The following PALM2AKAP2 variants were observed in gnomAD, a reference collection of about 807,000 sequenced individuals.
PALM2AKAP2 encodes PALM2 and AKAP2 fusion, also known as PALM2-AKAP2 fusion protein.
In PALM2AKAP2, 37 loss-of-function variants were observed where a neutral mutation model predicts 71.5. The ratio of observed to expected loss-of-function variants is 0.52; its 90% CI spans 0.40 to 0.68. The LOEUF is 0.68. PALM2AKAP2 is among the 30% of genes least tolerant of loss of function. The pLI is 0.00. For synonymous variants in PALM2AKAP2, 468 were observed against 478.8 expected (o/e 0.98, Z 0.29); for missense variants, 1,224 against 1,191.8 (o/e 1.03, Z -0.40).
intron 1 of PALM2AKAP2, among the ~76,000 whole-genome samples, chr9:109,803,986 C>G (rs1827507073): frequency 6.6e-6 from 1 of 152,142 alleles, no homozygotes; most frequent in Non-Finnish European, 1.5e-5. Context: ...CTTTTTTGGC[C>G]ATCCTGAAAG....
chr9:109,723,325 T>C (rs766092089), intron 1 of PALM2AKAP2, among the ~76,000 whole-genome samples: 16 of 152,194 alleles, frequency 1.1e-4, no homozygotes, highest in Non-Finnish European at 1.8e-4. Context: ...ACCGACCTTA[T>C]GTAGCCATAC....
intron 7 of PALM2AKAP2, among the ~76,000 whole-genome samples, chr9:110,016,522 A>G (rs894117895): frequency 6.6e-6 from 1 of 152,222 alleles, no homozygotes; most frequent in East Asian, 1.9e-4. Flanking sequence ...AAGGCAGCAC[A>G]TGGCCCACTC....
At chr9:109,840,901 C>T (rs138009181) in intron 1 of PALM2AKAP2, among the ~76,000 whole-genome samples, 4,868 of 152,254 alleles carry the variant, frequency 0.032, 102 homozygotes, top group Non-Finnish European at 0.042. Context: ...GAAATAGGAA[C>T]ACTTTTACAC....
intron 1 of PALM2AKAP2, among the ~76,000 whole-genome samples, chr9:109,663,739 C>G (rs1336906117): frequency 1.3e-5 from 2 of 152,122 alleles, no homozygotes; most frequent in African/African-American, 2.4e-5. Flanking sequence ...TCCTGGATAT[C>G]CTTGTTAACC....
chr9:109,998,375 T>C (rs1341646278), intron 6 of PALM2AKAP2, among the ~76,000 whole-genome samples: 3 of 152,128 alleles, frequency 2.0e-5, no homozygotes, highest in African/African-American at 4.8e-5. Context: ...GCTGTGTCTA[T>C]GACAGTGGGC....
rs565452380 is a variant in PALM2AKAP2, at chr9:110,137,862, A to G, written c.1892A>G (p.Lys631Arg). The G allele has an allele frequency of 3.5e-5, 56 of 1,614,128 alleles. No homozygotes were observed. The highest frequency in any genetic ancestry group is 1.7e-5 in the Admixed American group (1 of 60,012). The change falls in exon 2 of 4, where the codon AAG becomes AGG. Residue 631 changes from lysine to arginine, a missense_variant. By Grantham distance (26) the Lys-to-Arg change is conservative. Transcript: ENST00000374525. ...GAGGGCCGAGGAGAAGGCGTCTCCA[A>G]GTCATTTAGTGATCATGGTTTCTAT...
At chr9:109,706,882 G>C (rs760159475) in intron 1 of PALM2AKAP2, among the ~76,000 whole-genome samples, 5 of 152,188 alleles carry the variant, frequency 3.3e-5, no homozygotes, top group Non-Finnish European at 7.3e-5. Flanking sequence ...AGTTAGATTA[G>C]TGGTTTCCTA....
chr9:110,021,626 A>T (rs548484741), intron 7 of PALM2AKAP2, among the ~76,000 whole-genome samples: 145 of 152,224 alleles, frequency 9.5e-4, no homozygotes, highest in Admixed American at 8.1e-3. Flanking sequence ...GAGAACCACT[A>T]ACTTTTTTCA....
At chr9:109,746,148 A>G (rs1043847710) in intron 1 of PALM2AKAP2, among the ~76,000 whole-genome samples, 2 of 152,198 alleles carry the variant, frequency 1.3e-5, no homozygotes, top group African/African-American at 4.8e-5. Context: ...CTTCTGCACA[A>G]GAGAATGACA....
chr9:109,676,610 A>G (rs1017457085), intron 1 of PALM2AKAP2, among the ~76,000 whole-genome samples: 6 of 152,214 alleles, frequency 3.9e-5, no homozygotes. Flanking sequence ...AAAACATGTC[A>G]TAGTTGAAAC....
At chr9:110,107,942 T>C (rs1323313000) in intron 1 of PALM2AKAP2, among the ~76,000 whole-genome samples, 1 of 152,182 alleles carries the variant, frequency 6.6e-6, no homozygotes, top group Non-Finnish European at 1.5e-5. Flanking sequence ...ATGAGGCAAA[T>C]TTGTAATTCT....
intron 1 of PALM2AKAP2, among the ~76,000 whole-genome samples, chr9:109,700,851 G>A (rs977714131): frequency 1.3e-5 from 2 of 152,188 alleles, no homozygotes; most frequent in South Asian, 2.1e-4. Context: ...TGTTTTCAAA[G>A]TGTTCATTTT....
chr9:110,032,758 AC>A (rs1833308900), intron 7 of PALM2AKAP2, among the ~76,000 whole-genome samples: 1 of 145,400 alleles, frequency 6.9e-6, no homozygotes, highest in Non-Finnish European at 1.5e-5. Context: ...AAATAAAAAA[AC>A]AAAAAAAATA....
intron 1 of PALM2AKAP2, among the ~76,000 whole-genome samples, chr9:109,843,708 A>G (rs984787780): frequency 3.3e-5 from 5 of 152,140 alleles, no homozygotes; most frequent in Non-Finnish European, 4.4e-5. Context: ...GACCTTGCTT[A>G]TTAAAGGAAA....
chr9:109,844,160 A>G (rs1320757414), intron 1 of PALM2AKAP2, among the ~76,000 whole-genome samples: 1 of 152,224 alleles, frequency 6.6e-6, no homozygotes, highest in African/African-American at 2.4e-5. Flanking sequence ...GCTTTCTGGA[A>G]TTATTTAATT....
At chr9:109,695,421 T>C (rs1235075005) in intron 1 of PALM2AKAP2, among the ~76,000 whole-genome samples, 3 of 152,146 alleles carry the variant, frequency 2.0e-5, no homozygotes, top group Admixed American at 1.3e-4. Context: ...CCCACCACCA[T>C]ATAAGCATGC....
At chr9:109,890,259 A>C (rs566046946) in intron 3 of PALM2AKAP2, among the ~76,000 whole-genome samples, 1 of 152,160 alleles carries the variant, frequency 6.6e-6, no homozygotes, top group Non-Finnish European at 1.5e-5. Flanking sequence ...AGCCAAGATG[A>C]TCTCTTGAGC....
At chr9:109,689,453 G>T (rs1049222120) in intron 1 of PALM2AKAP2, among the ~76,000 whole-genome samples, 7 of 152,092 alleles carry the variant, frequency 4.6e-5, no homozygotes, top group Non-Finnish European at 1.0e-4. Flanking sequence ...ACCCGCCTCG[G>T]CCACCCAAAG....
intron 1 of PALM2AKAP2, among the ~76,000 whole-genome samples, chr9:109,755,327 C>T (rs1031861392): frequency 5.9e-5 from 9 of 152,202 alleles, no homozygotes; most frequent in African/African-American, 2.2e-4. Context: ...TCCCACCACT[C>T]CCCCTCCATT....
Sources: allele counts gnomAD v4.1 joint callset (sites outside exome capture counted in the v4.1 genomes callset), GRCh38; gene constraint gnomAD v4.1.1; transcripts MANE v1.5; gene names NCBI Gene and HGNC (gene_info 2026-07-23, HGNC 2026-07-21).